The following CPEB1 variants were observed in gnomAD, a reference collection of about 807,000 sequenced individuals.
CPEB1 encodes cytoplasmic polyadenylation element binding protein 1, also known as cytoplasmic polyadenylation element-binding protein 1.
Under a neutral mutation model 65.8 loss-of-function variants are expected in CPEB1, and 7 were observed. The ratio of observed to expected loss-of-function variants is 0.11; its 90% confidence interval spans 0.06 to 0.20. The LOEUF (loss-of-function observed/expected upper bound fraction) is 0.20. CPEB1 is among the 10% of genes least tolerant of loss of function. CPEB1 has a pLI of 1.00. For missense variants in CPEB1, 551 were observed against 712.2 expected, an observed-to-expected ratio of 0.77 and a Z score of 2.58; for synonymous variants, 262 against 260.0, an observed-to-expected ratio of 1.01 and a Z score of -0.08.
intron 3 of CPEB1, among the ~76,000 whole-genome samples, chr15:82,602,987 T>C (rs2043251255): frequency 6.6e-6 from 1 of 152,338 alleles, no homozygotes; most frequent in East Asian, 1.9e-4. Context: ...ATAAACTTTG[T>C]CAGAACTCTG....
At chr15:82,619,203 G>T (rs559407692) in intron 3 of CPEB1, among the ~76,000 whole-genome samples, 1 of 152,158 alleles carries the variant, frequency 6.6e-6, no homozygotes, top group East Asian at 1.9e-4. Context: ...CAATTTAAAA[G>T]AATTTTCTTT....
At position 82,607,188 on chromosome 15, in the gene CPEB1, G is replaced by A. The variant is rs181043060; in HGVS notation, c.271+20005C>T. Among the ~76,000 whole-genome samples the A allele has an allele frequency of 1.6e-3, 240 of 152,240 alleles. 1 individual carries two copies. Among genetic ancestry groups the A allele is most frequent in the African/African-American group, 5.5e-3 (229 of 41,516 alleles). On this transcript the variant is annotated intron_variant, in intron 3 of 12. Coordinates refer to ENST00000684509, the MANE Select transcript of CPEB1 (RefSeq NM_001365242.1). The stretch of plus-strand genomic sequence containing the variant: ...TATCTTATCAGTAATTATATTAAAT[G>A]TAGATGGATCAAACTCTTGAATAAA...
rs1218381704 is a variant in CPEB1, at chr15:82,614,873, GTGTGTGTA to G, written c.271+12312_271+12319del. 1.6e-3 allele frequency among the ~76,000 whole-genome samples: 198 copies of G among 120,274 alleles called. 1 individual carries two copies. Among genetic ancestry groups the G allele is most frequent in the East Asian group, 3.5e-3 (16 of 4,536 alleles). The allele number at this position is 120,274 out of a possible 152,430, so 78.9% of individuals were successfully genotyped here. On this transcript the variant is annotated intron_variant, in intron 3 of 12. Coordinates refer to ENST00000684509, the MANE Select transcript of CPEB1 (RefSeq NM_001365242.1). ...AGTGTGTGTGTGTGTGTGTGTGTGT[GTGTGTGTA>G]TATATATATATGACCTCAGCCAACG...
intron 1 of CPEB1, among the ~76,000 whole-genome samples, chr15:82,635,842 G>A (rs2046614927): frequency 6.6e-6 from 1 of 152,136 alleles, no homozygotes; most frequent in African/African-American, 2.4e-5. Flanking sequence ...ATTTCAATAA[G>A]CAGGCATGAG....
chr15:82,573,988 TG>T (rs1340135196), intron 3 of CPEB1, among the ~76,000 whole-genome samples: 2 of 152,034 alleles, frequency 1.3e-5, no homozygotes, highest in African/African-American at 4.8e-5. Flanking sequence ...ACAGTACTGA[TG>T]TGTACAACTA....
intron 1 of CPEB1, chr15:82,629,431 G>C (rs976430435): frequency 2.2e-5 from 22 of 982,310 alleles, no homozygotes; most frequent in Non-Finnish European, 2.7e-5. Context: ...AGACATTACC[G>C]AATGAAAAAA....
intron 3 of CPEB1, among the ~76,000 whole-genome samples, chr15:82,624,813 T>G (rs185996539): frequency 6.7e-6 from 1 of 149,454 alleles, no homozygotes; most frequent in Admixed American, 6.7e-5. Flanking sequence ...TAAGTCATTG[T>G]TGAATTGTTG....
chr15:82,640,694 G>C (rs1304955118), intron 1 of CPEB1: 1 of 152,146 alleles, frequency 6.6e-6, no homozygotes, highest in Non-Finnish European at 1.5e-5. Context: ...CCAATCAGAA[G>C]TATAAGTCTT....
intron 3 of CPEB1, among the ~76,000 whole-genome samples, chr15:82,575,930 T>C (rs1259180): frequency 0.4 from 61,413 of 152,008 alleles, 12,470 homozygotes; most frequent in South Asian, 0.49. Flanking sequence ...GCCCATTTCT[T>C]ACACAACTAA....
chr15:82,607,131 T>C (rs2043689826), intron 3 of CPEB1, among the ~76,000 whole-genome samples: 2 of 150,566 alleles, frequency 1.3e-5, no homozygotes, highest in Non-Finnish European at 2.9e-5. Flanking sequence ...ACACAAGACA[T>C]ATGGAAAACA....
intron 3 of CPEB1, among the ~76,000 whole-genome samples, chr15:82,616,627 C>CCA (rs2044741476): frequency 6.6e-6 from 1 of 150,936 alleles, no homozygotes; most frequent in Non-Finnish European, 1.5e-5. Context: ...ACTGCAGCCT[C>CCA]CACCTCCCGG....
At chr15:82,570,890 A>C (rs2039924826) in intron 4 of CPEB1, among the ~76,000 whole-genome samples, 1 of 152,202 alleles carries the variant, frequency 6.6e-6, no homozygotes. Flanking sequence ...CATGATTCAG[A>C]GACCACTCAC....
chr15:82,566,457 T>C (rs950444937), intron 4 of CPEB1, among the ~76,000 whole-genome samples: 6 of 152,112 alleles, frequency 3.9e-5, no homozygotes, highest in African/African-American at 1.4e-4. Context: ...GTAGCATTCA[T>C]TCCATGTATG....
chr15:82,566,629 A>T (rs1257476430), intron 4 of CPEB1, among the ~76,000 whole-genome samples: 2 of 152,166 alleles, frequency 1.3e-5, no homozygotes, highest in Non-Finnish European at 2.9e-5. Flanking sequence ...AGTCTTGATC[A>T]TCAGGCAAGT....
At chr15:82,639,029 G>C (rs917562947) in intron 1 of CPEB1, among the ~76,000 whole-genome samples, 2 of 152,154 alleles carry the variant, frequency 1.3e-5, no homozygotes, top group African/African-American at 2.4e-5. Flanking sequence ...CCACGTCTTA[G>C]AATTATAAAA....
At chr15:82,611,977 G>A (rs1234295041) in intron 3 of CPEB1, among the ~76,000 whole-genome samples, 3 of 151,630 alleles carry the variant, frequency 2.0e-5, no homozygotes, top group Non-Finnish European at 2.9e-5. Context: ...TTGGGAAGCC[G>A]AGGTGGGCAG....
chr15:82,587,923 GT>G (rs372214264), intron 3 of CPEB1, among the ~76,000 whole-genome samples: 1 of 110,970 alleles, frequency 9.0e-6, no homozygotes, highest in Non-Finnish European at 2.2e-5. Context: ...GTTTTGTTTT[GT>G]TTTTGTTTTT....
intron 3 of CPEB1, among the ~76,000 whole-genome samples, chr15:82,621,546 G>C (rs182889984): frequency 2.4e-4 from 37 of 151,978 alleles, no homozygotes; most frequent in Non-Finnish European, 4.6e-4. Flanking sequence ...ACTTGAACCC[G>C]GGCAGAGGTT....
intron 1 of CPEB1, chr15:82,641,558 T>C (rs1157827476): frequency 1.3e-5 from 2 of 152,172 alleles, no homozygotes; most frequent in Non-Finnish European, 2.9e-5. Context: ...GTAACACTCT[T>C]AGTCAAGTTA....
Sources: gnomAD v4.1 joint callset for allele counts (sites outside exome capture counted in the v4.1 genomes callset) on GRCh38, gnomAD v4.1.1 for gene constraint, MANE v1.5 for transcripts, NCBI Gene and HGNC (gene_info 2026-07-23, HGNC 2026-07-21) for gene names.